Variants in DPYD observed in about 807,000 individuals in gnomAD.
DPYD encodes dihydropyrimidine dehydrogenase.
A neutral mutation model predicts 116.2 loss-of-function variants in DPYD; 109 were observed. The observed-to-expected ratio is 0.94, with a 90% CI of 0.80 to 1.10. DPYD has a LOEUF of 1.10. Among genes scored for constraint, DPYD ranks in the 50% least tolerant of loss-of-function variants. DPYD has a pLI of 0.00. For missense variants in DPYD, 1,302 were observed against 1,254.5 expected, an observed-to-expected ratio of 1.04 and a Z score of -0.57; for synonymous variants, 440 against 432.0, an observed-to-expected ratio of 1.02 and a Z score of -0.23.
At chr1:97,209,747 T>A (rs891000724) in intron 19 of DPYD, among the ~76,000 whole-genome samples, 1 of 152,142 alleles carries the variant, frequency 6.6e-6, no homozygotes, top group Admixed American at 6.6e-5. Flanking sequence ...ATTTTCCACA[T>A]GAGGAAATAT....
chr1:97,217,234 A>G (rs1052331671), intron 19 of DPYD, among the ~76,000 whole-genome samples: 9 of 152,108 alleles, frequency 5.9e-5, no homozygotes, highest in Non-Finnish European at 1.0e-4. Flanking sequence ...AAAACAAAAA[A>G]CACGTTAATT....
At chr1:97,394,261 T>A (rs1672889453) in intron 14 of DPYD, 1 of 152,142 alleles carries the variant, frequency 6.6e-6, no homozygotes. Context: ...ACTCTGACGG[T>A]AGTTTCTTTT....
intron 18 of DPYD, among the ~76,000 whole-genome samples, chr1:97,274,178 T>C (rs774933917): frequency 1.3e-5 from 2 of 152,070 alleles, no homozygotes; most frequent in Admixed American, 6.6e-5. Flanking sequence ...ACCTAGAACA[T>C]GATATGGTTT....
chr1:97,856,997 A>C (rs1670878128), intron 2 of DPYD, among the ~76,000 whole-genome samples: 1 of 152,152 alleles, frequency 6.6e-6, no homozygotes, highest in Non-Finnish European at 1.5e-5. Flanking sequence ...AGTAGCAGGT[A>C]CTGAGAAGAG....
intron 8 of DPYD, among the ~76,000 whole-genome samples, chr1:97,659,482 TAC>T (rs1366042993): frequency 6.6e-6 from 1 of 152,152 alleles, no homozygotes; most frequent in East Asian, 1.9e-4. Flanking sequence ...TCTGAACAGT[TAC>T]AGTTTAAAAA....
chr1:97,849,506 T>A (rs937493292), intron 2 of DPYD, among the ~76,000 whole-genome samples: 2 of 152,114 alleles, frequency 1.3e-5, no homozygotes, highest in African/African-American at 2.4e-5. Flanking sequence ...ATTCATTTTT[T>A]TTTTTTTCGC....
intron 14 of DPYD, among the ~76,000 whole-genome samples, chr1:97,439,998 G>T (rs577177880): frequency 6.6e-6 from 1 of 151,392 alleles, no homozygotes; most frequent in Admixed American, 6.6e-5. Context: ...ATTTTCGGCC[G>T]GGCGCGGTGG....
intron 1 of DPYD, among the ~76,000 whole-genome samples, chr1:97,890,528 A>C (rs1024411068): frequency 3.3e-5 from 5 of 151,918 alleles, no homozygotes; most frequent in African/African-American, 1.2e-4. Flanking sequence ...TGATGAAATA[A>C]TACTAACAGG....
intron 16 of DPYD, among the ~76,000 whole-genome samples, chr1:97,340,496 T>G (rs1669537289): frequency 1.3e-5 from 2 of 152,076 alleles, no homozygotes; most frequent in South Asian, 4.1e-4. Context: ...ATAGGGAGAC[T>G]CTGTCTCCAC....
At chr1:97,236,397 A>C (rs1661928416) in intron 18 of DPYD, among the ~76,000 whole-genome samples, 1 of 151,902 alleles carries the variant, frequency 6.6e-6, no homozygotes, top group Non-Finnish European at 1.5e-5. Context: ...AAATTAAATT[A>C]AATTAAAAAA....
intron 13 of DPYD, among the ~76,000 whole-genome samples, chr1:97,483,839 C>T (rs754402095): frequency 1.8e-4 from 28 of 151,426 alleles, no homozygotes; most frequent in Admixed American, 3.9e-4. Context: ...CTCACCAGAG[C>T]GGATGGTGAT....
At chr1:97,124,011 GT>G (rs1399220508) in intron 20 of DPYD, among the ~76,000 whole-genome samples, 2 of 152,154 alleles carry the variant, frequency 1.3e-5, no homozygotes, top group East Asian at 1.9e-4. Context: ...AATCATGATG[GT>G]TTTTTGCATT....
chr1:97,485,802 C>T (rs1408108386), intron 13 of DPYD, among the ~76,000 whole-genome samples: 1 of 152,072 alleles, frequency 6.6e-6, no homozygotes, highest in African/African-American at 2.4e-5. Flanking sequence ...CTGCAGTTGG[C>T]TAAGTAACTT....
intron 8 of DPYD, among the ~76,000 whole-genome samples, chr1:97,605,728 T>C (rs139944365): frequency 1.1e-4 from 17 of 152,200 alleles, no homozygotes; most frequent in African/African-American, 3.6e-4. Flanking sequence ...TCTGCTGGGA[T>C]ATTAAATGAG....
At chr1:97,540,133 A>G (rs372986990) in intron 12 of DPYD, among the ~76,000 whole-genome samples, 1 of 151,084 alleles carries the variant, frequency 6.6e-6, no homozygotes. Context: ...GACACTATCT[A>G]CCTGATGATA....
chr1:97,497,411 C>T (rs960023932), intron 13 of DPYD, among the ~76,000 whole-genome samples: 3 of 151,738 alleles, frequency 2.0e-5, no homozygotes, highest in Admixed American at 6.6e-5. Context: ...TGCTATTACA[C>T]CATGTTTCTA....
chr1:97,333,517 A>ATTTTTTTTTTTTTTTT (rs778577478), intron 16 of DPYD, among the ~76,000 whole-genome samples: 8 of 97,050 alleles, frequency 8.2e-5, no homozygotes, highest in African/African-American at 2.5e-4. Flanking sequence ...AAGTCTTAGG[A>ATTTTTTTTTTTTTTTT]TTTTTTTTTT....
chr1:97,804,536 TTATC>T (rs1173563537), intron 3 of DPYD, among the ~76,000 whole-genome samples: 1 of 151,842 alleles, frequency 6.6e-6, no homozygotes, highest in South Asian at 2.1e-4. Context: ...TATTTTGAGT[TTATC>T]TATCCCTACA....
intron 10 of DPYD, 29 bp from the exon 11 acceptor site, chr1:97,573,999 T>G: frequency 6.2e-7 from 1 of 1,610,556 alleles, no homozygotes; most frequent in Non-Finnish European, 8.5e-7. Flanking sequence ...GAGAAGAAAC[T>G]TGAAAATGTT....
Sources: allele counts gnomAD v4.1 joint callset (sites outside exome capture counted in the v4.1 genomes callset), GRCh38; gene constraint gnomAD v4.1.1; transcripts MANE v1.5; gene names NCBI Gene and HGNC (gene_info 2026-07-23, HGNC 2026-07-21).